TLR6: variants seen among roughly 807,000 people sequenced by gnomAD.
TLR6 encodes the protein toll like receptor 6.
In TLR6, 9 loss-of-function variants were observed where a neutral mutation model predicts 16.1. The ratio of observed to expected loss-of-function variants is 0.56; its 90% CI spans 0.34 to 0.98. The LOEUF (loss-of-function observed/expected upper bound fraction) is 0.98. Ranked by LOEUF, TLR6 falls within the 50% of genes least tolerant of loss-of-function variation. The probability of loss-of-function intolerance (pLI) is 0.02; values close to 1 mark genes in which losing one functional copy is unlikely to be tolerated. For synonymous variants in TLR6, 340 were observed against 338.6 expected (o/e 1.00, Z -0.04); for missense variants, 786 against 921.0 (o/e 0.85, Z 1.90).
Position 38,839,397 on chromosome 4 carries a change from G to A in TLR6, c.-64-9860C>T, listed in dbSNP as rs62294505. 6.5e-3 allele frequency among the ~76,000 whole-genome samples: 988 copies of A among 151,966 alleles called. 4 individuals carry two copies. The highest frequency in any genetic ancestry group is 9.9e-3 in the Non-Finnish European group (672 of 67,966). ...ATCAACTGTATTGAAAGTTAACTAC[G>A]TGCTGTACTCAAAAAATAGTTATTC... On this transcript the variant is annotated intron_variant, in intron 1 of 1. Coordinates refer to ENST00000436693, the Ensembl canonical transcript of TLR6.
At chr4:38,846,743 G>A (rs1215483837) in intron 1 of TLR6, among the ~76,000 whole-genome samples, 1 of 152,104 alleles carries the variant, frequency 6.6e-6, no homozygotes, top group Non-Finnish European at 1.5e-5. Flanking sequence ...TGATAAGAAG[G>A]GAGAAGGGAG....
chr4:38,828,125 G>C (rs140795288), exon 2 of TLR6: 2 of 1,614,146 alleles, frequency 1.2e-6, no homozygotes, highest in African/African-American at 2.7e-5. Context: ...CTTGATCCTG[G>C]GAGGTAAACA....
chr4:38,848,375 C>G (rs893651429), intron 1 of TLR6, among the ~76,000 whole-genome samples: 1 of 152,232 alleles, frequency 6.6e-6, no homozygotes, highest in African/African-American at 2.4e-5. Context: ...AATCAGAGCA[C>G]CTCTCCCACT....
intron 1 of TLR6, among the ~76,000 whole-genome samples, chr4:38,837,190 C>T (rs114959186): frequency 0.021 from 3,136 of 152,132 alleles, 43 homozygotes; most frequent in Middle Eastern, 0.1. Flanking sequence ...AATGCAATCC[C>T]TATCAAAATA....
chr4:38,858,840 A>G (rs369734159), upstream of TLR6, among the ~76,000 whole-genome samples: 402 of 59,520 alleles, frequency 6.8e-3, 7 homozygotes, highest in African/African-American at 0.025. Flanking sequence ...AGGAAGAAAG[A>G]AAGAAAGAAA....
intron 1 of TLR6, among the ~76,000 whole-genome samples, chr4:38,838,936 GGAAGGAA>G (rs1228920408): frequency 1.5e-5 from 2 of 133,196 alleles, no homozygotes; most frequent in Non-Finnish European, 3.1e-5. Context: ...AGGGAAGGAA[GGAAGGAA>G]GGGAGGAAGG....
At chr4:38,846,341 T>C (rs1712530362) in intron 1 of TLR6, among the ~76,000 whole-genome samples, 1 of 152,144 alleles carries the variant, frequency 6.6e-6, no homozygotes, top group African/African-American at 2.4e-5. Flanking sequence ...TTATAATAGA[T>C]ATCTTCAGAA....
At chr4:38,833,945 G>A (rs933703222) in intron 1 of TLR6, among the ~76,000 whole-genome samples, 1 of 151,934 alleles carries the variant, frequency 6.6e-6, no homozygotes, top group Admixed American at 6.6e-5. Flanking sequence ...CAATAGACTA[G>A]GCCAGGTGCA....
At chr4:38,829,750 G>T (rs1025885743) in intron 1 of TLR6, among the ~76,000 whole-genome samples, 7 of 152,250 alleles carry the variant, frequency 4.6e-5, no homozygotes, top group Non-Finnish European at 2.9e-5. Flanking sequence ...TTGTGGTTGT[G>T]TGTTTTGACC....
upstream of TLR6, among the ~76,000 whole-genome samples, chr4:38,860,137 C>G (rs1309710758): frequency 2.0e-5 from 3 of 152,114 alleles, no homozygotes; most frequent in Middle Eastern, 3.4e-3. Flanking sequence ...AGTTTTGTGA[C>G]AATTATCAAT....
At chr4:38,847,633 T>C (rs1361923720) in intron 1 of TLR6, among the ~76,000 whole-genome samples, 1 of 152,172 alleles carries the variant, frequency 6.6e-6, no homozygotes, top group Non-Finnish European at 1.5e-5. Flanking sequence ...ACCAGGAGAT[T>C]ATATCCCGCA....
intron 1 of TLR6, among the ~76,000 whole-genome samples, chr4:38,839,587 AC>A (rs1427766638): frequency 6.6e-6 from 1 of 152,226 alleles, no homozygotes; most frequent in African/African-American, 2.4e-5. Context: ...ATCTGCTGCA[AC>A]CAGTGACCCT....
chr4:38,847,621 A>T (rs1006220657), intron 1 of TLR6, among the ~76,000 whole-genome samples: 7 of 152,196 alleles, frequency 4.6e-5, no homozygotes, highest in Non-Finnish European at 1.0e-4. Context: ...AGCAAACGGC[A>T]TACCAGGAGA....
At chr4:38,859,582 T>TTTTTTTG (rs1713152472), upstream of TLR6, among the ~76,000 whole-genome samples, 1 of 150,150 alleles carries the variant, frequency 6.7e-6, no homozygotes. Context: ...TTTTTTTTTT[T>TTTTTTTG]GAGACAGGGT....
intron 1 of TLR6, among the ~76,000 whole-genome samples, chr4:38,852,738 C>T (rs1256166990): frequency 1.3e-5 from 2 of 150,998 alleles, no homozygotes; most frequent in East Asian, 4.0e-4. Flanking sequence ...ACAACAGGTG[C>T]TGGAGAGGAC....
At chr4:38,831,005 C>A (rs1201569056) in intron 1 of TLR6, among the ~76,000 whole-genome samples, 4 of 139,080 alleles carry the variant, frequency 2.9e-5, no homozygotes, top group East Asian at 2.1e-4. Flanking sequence ...TGCAAAGAAA[C>A]AGAAAGTATT....
At chr4:38,866,952 A>G in the TLR6 span, among the ~76,000 whole-genome samples, 1 of 152,234 alleles carries the variant, frequency 6.6e-6, no homozygotes, top group East Asian at 1.9e-4. Context: ...AAGAATCACT[A>G]TTTTTAAATT....
At chr4:38,833,670 A>T (rs1711748074) in intron 1 of TLR6, among the ~76,000 whole-genome samples, 1 of 152,222 alleles carries the variant, frequency 6.6e-6, no homozygotes, top group Non-Finnish European at 1.5e-5. Context: ...CCTCCAAAGG[A>T]ACACAATAAT....
At chr4:38,840,109 T>C (rs1163661713) in intron 1 of TLR6, among the ~76,000 whole-genome samples, 10 of 152,224 alleles carry the variant, frequency 6.6e-5, no homozygotes, top group Non-Finnish European at 1.5e-4. Flanking sequence ...CCAATAAAGT[T>C]TGTTTTCTTC....
Sources: gnomAD v4.1 joint callset for allele counts (sites outside exome capture counted in the v4.1 genomes callset) on GRCh38, gnomAD v4.1.1 for gene constraint, MANE v1.5 for transcripts, NCBI Gene and HGNC (gene_info 2026-07-23, HGNC 2026-07-21) for gene names.